Variants in GREB1L observed in about 807,000 individuals in gnomAD.
The protein encoded by GREB1L is GREB1-like protein.
Under a neutral mutation model 200.8 loss-of-function variants are expected in GREB1L, and 17 were observed. That is an observed-to-expected ratio of 0.08 (90% CI 0.06 to 0.13). The LOEUF (loss-of-function observed/expected upper bound fraction) is 0.13. Among genes scored for constraint, GREB1L ranks in the 10% least tolerant of loss-of-function variants. The pLI is 1.00. For missense variants in GREB1L, 1,657 were observed against 2,367.7 expected (o/e 0.70, Z 6.23); for synonymous variants, 789 against 893.0 (o/e 0.88, Z 2.08).
At chr18:21,346,168 G>A (rs574844285) in intron 1 of GREB1L, among the ~76,000 whole-genome samples, 2 of 152,254 alleles carry the variant, frequency 1.3e-5, no homozygotes, top group South Asian at 4.1e-4. Context: ...ACTTCGCCGT[G>A]TCATCAATCA....
At chr18:21,430,519 A>C (rs2033052839) in intron 7 of GREB1L, among the ~76,000 whole-genome samples, 1 of 117,942 alleles carries the variant, frequency 8.5e-6, no homozygotes, top group African/African-American at 3.1e-5. Context: ...TTTAGTTTTC[A>C]CTTTTTCTAG....
chr18:21,336,403 G>A (rs1177894960), intron 1 of GREB1L, among the ~76,000 whole-genome samples: 1 of 152,096 alleles, frequency 6.6e-6, no homozygotes, highest in African/African-American at 2.4e-5. Context: ...AGTGACCTGC[G>A]TAGCTGCCAT....
intron 1 of GREB1L, among the ~76,000 whole-genome samples, chr18:21,274,924 A>G (rs1406328787): frequency 6.6e-6 from 1 of 151,776 alleles, no homozygotes; most frequent in Non-Finnish European, 1.5e-5. Context: ...AAATTTTAAA[A>G]TACCACACTT....
chr18:21,345,162 C>T (rs1200778551), intron 1 of GREB1L, among the ~76,000 whole-genome samples: 1 of 152,152 alleles, frequency 6.6e-6, no homozygotes, highest in Non-Finnish European at 1.5e-5. Context: ...GCACTTCAGA[C>T]CCTATTAGAT....
intron 1 of GREB1L, among the ~76,000 whole-genome samples, chr18:21,326,695 C>T (rs1208405913): frequency 3.3e-5 from 5 of 152,212 alleles, no homozygotes; most frequent in African/African-American, 4.8e-5. Context: ...ATAATAGATA[C>T]ATGTAAAACA....
Position 21,253,069 on chromosome 18 carries a change from A to G in GREB1L, c.-120+10676A>G, listed in dbSNP as rs574481508. Among the ~76,000 whole-genome samples, 7 of 152,094 alleles carry G rather than the reference A, an allele frequency of 4.6e-5. 1 individual carries two copies. In the South Asian group the frequency reaches 1.5e-3, roughly 32 times the overall value. The stretch of plus-strand genomic sequence containing the variant: ...AGGGTTTCCTTCTGTTTTAAGACAG[A>G]GCTTTGTTGGATTTTAGAGCCATAG... On this transcript the variant is annotated intron_variant, in intron 1 of 32. Coordinates refer to ENST00000424526, the MANE Select transcript of GREB1L (RefSeq NM_001142966.3).
At chr18:21,372,583 A>G (rs1324498156) in intron 2 of GREB1L, among the ~76,000 whole-genome samples, 2 of 151,988 alleles carry the variant, frequency 1.3e-5, no homozygotes, top group Non-Finnish European at 2.9e-5. Flanking sequence ...GTGGCCGAAG[A>G]TGGCTTTGAA....
intron 1 of GREB1L, among the ~76,000 whole-genome samples, chr18:21,321,060 G>C (rs1178765434): frequency 6.6e-6 from 1 of 152,156 alleles, no homozygotes; most frequent in African/African-American, 2.4e-5. Context: ...TTGGGAGGCT[G>C]AGGCGGATGG....
chr18:21,465,447 A>G (rs1405721091), intron 15 of GREB1L, among the ~76,000 whole-genome samples: 3 of 152,158 alleles, frequency 2.0e-5, no homozygotes, highest in African/African-American at 7.2e-5. Context: ...TCTTAGGAAG[A>G]GCATATTGAA....
At chr18:21,246,923 T>C (rs2037613108) in intron 1 of GREB1L, among the ~76,000 whole-genome samples, 1 of 152,210 alleles carries the variant, frequency 6.6e-6, no homozygotes. Context: ...TGTTATCTTT[T>C]GGCTACAAAT....
chr18:21,289,548 A>C (rs538371022), intron 1 of GREB1L, among the ~76,000 whole-genome samples: 2,284 of 150,466 alleles, frequency 0.015, 57 homozygotes, highest in African/African-American at 0.053. Flanking sequence ...CCCCCCCCGC[A>C]AAAAAAAGGC....
At chr18:21,380,562 C>T (rs1207814077) in intron 2 of GREB1L, 2 of 152,318 alleles carry the variant, frequency 1.3e-5, no homozygotes, top group African/African-American at 2.4e-5. Flanking sequence ...AGAGTGCGGG[C>T]TTTGTCATCA....
intron 24 of GREB1L, 113 bp downstream of exon 24, chr18:21,505,680 A>C (rs1222211297): frequency 7.0e-7 from 1 of 1,422,678 alleles, no homozygotes; most frequent in African/African-American, 1.4e-5. Context: ...TTAAATTTTC[A>C]TAACTGTTTC....
intron 1 of GREB1L, among the ~76,000 whole-genome samples, chr18:21,258,556 T>C (rs1351353744): frequency 6.6e-6 from 1 of 152,142 alleles, no homozygotes; most frequent in Non-Finnish European, 1.5e-5. Context: ...GGGAGGGTAA[T>C]GGAACAACAT....
intron 10 of GREB1L, among the ~76,000 whole-genome samples, chr18:21,443,110 G>C (rs1158452862): frequency 6.6e-6 from 1 of 152,044 alleles, no homozygotes; most frequent in African/African-American, 2.4e-5. Context: ...CATCATGTTG[G>C]CCAGGCTGGT....
chr18:21,339,972 TG>T (rs903971272), intron 1 of GREB1L, among the ~76,000 whole-genome samples: 12 of 152,200 alleles, frequency 7.9e-5, no homozygotes, highest in African/African-American at 2.9e-4. Flanking sequence ...CTAAGTGGTA[TG>T]GGTTTATTTG....
At chr18:21,482,635 A>G (rs754610957) in intron 17 of GREB1L, among the ~76,000 whole-genome samples, 4 of 131,210 alleles carry the variant, frequency 3.0e-5, no homozygotes, top group Non-Finnish European at 6.3e-5. Context: ...CATTGTGTAG[A>G]TTACAGATTT....
chr18:21,264,399 G>A (rs550662755), intron 1 of GREB1L, among the ~76,000 whole-genome samples: 3 of 151,772 alleles, frequency 2.0e-5, no homozygotes, highest in Admixed American at 6.6e-5. Flanking sequence ...TACTCTATTC[G>A]ATGCTAATAA....
chr18:21,372,483 GATTTTTTTTGCA>G (rs1317647207), intron 2 of GREB1L, among the ~76,000 whole-genome samples: 2 of 152,030 alleles, frequency 1.3e-5, no homozygotes, highest in African/African-American at 4.8e-5. Context: ...TGACACGAGA[GATTTTTTTTGCA>G]ATTTTTTTTG....
Sources: gnomAD v4.1 joint callset for allele counts (sites outside exome capture counted in the v4.1 genomes callset) on GRCh38, gnomAD v4.1.1 for gene constraint, MANE v1.5 for transcripts, NCBI Gene and HGNC (gene_info 2026-07-23, HGNC 2026-07-21) for gene names.